Variants in CHMP3 observed in about 807,000 individuals in gnomAD.
CHMP3 encodes the protein 25.1 protein.
CHMP3 carries 8 observed loss-of-function variants against 27.4 expected under a neutral mutation model. The observed-to-expected ratio is 0.29, with a 90% CI of 0.17 to 0.53. The LOEUF (loss-of-function observed/expected upper bound fraction) is 0.53, where lower values mean the gene tolerates loss of function less well. Ranked by LOEUF, CHMP3 falls within the 20% of genes least tolerant of loss-of-function variation. CHMP3 has a pLI of 0.96. For synonymous variants in CHMP3, 86 were observed against 85.5 expected, an observed-to-expected ratio of 1.01 and a Z score of -0.03; for missense variants, 208 against 271.5, an observed-to-expected ratio of 0.77 and a Z score of 1.64.
chr2:86,537,866 C>G (rs1305694879), intron 2 of CHMP3, among the ~76,000 whole-genome samples: 1 of 152,038 alleles, frequency 6.6e-6, no homozygotes, highest in Non-Finnish European at 1.5e-5. Context: ...AAATGGTTCC[C>G]CCCAAAATTA....
intron 2 of CHMP3, among the ~76,000 whole-genome samples, chr2:86,541,791 T>C (rs1291593610): frequency 2.6e-5 from 4 of 152,310 alleles, no homozygotes; most frequent in South Asian, 2.1e-4. Context: ...GATACCTTTA[T>C]GATATTAACT....
At chr2:86,508,592 G>A (rs1363443583) in intron 4 of CHMP3, among the ~76,000 whole-genome samples, 1 of 152,146 alleles carries the variant, frequency 6.6e-6, no homozygotes, top group Non-Finnish European at 1.5e-5. Context: ...CCCTTGCTTT[G>A]TACCTTGATG....
chr2:86,563,230 T>C (rs1407042122), intron 1 of CHMP3, 74 bp downstream of exon 1: 2 of 1,543,516 alleles, frequency 1.3e-6, no homozygotes, highest in East Asian at 2.3e-5. Context: ...GGGAGAAGAG[T>C]GTCCTGTCAT....
intron 3 of CHMP3, chr2:86,512,264 A>T (rs1675134794): frequency 6.6e-6 from 1 of 152,204 alleles, no homozygotes; most frequent in African/African-American, 2.4e-5. Flanking sequence ...GGCCTACAGG[A>T]GGCAGTTCGT....
At chr2:86,547,469 A>G (rs1381780971) in intron 1 of CHMP3, among the ~76,000 whole-genome samples, 52 of 152,262 alleles carry the variant, frequency 3.4e-4, no homozygotes, top group Admixed American at 6.5e-5. Context: ...AGAAATCTGA[A>G]GAACCAAAAG....
chr2:86,525,572 ATGGGATTCCC>A (rs1289032752), intron 3 of CHMP3, among the ~76,000 whole-genome samples: 1 of 151,788 alleles, frequency 6.6e-6, no homozygotes, highest in Non-Finnish European at 1.5e-5. Context: ...CTTGCATCAG[ATGGGATTCCC>A]TCGGCAAGGA....
chr2:86,506,567 A>AT (rs1674896168), intron 5 of CHMP3, among the ~76,000 whole-genome samples: 1 of 151,630 alleles, frequency 6.6e-6, no homozygotes, highest in East Asian at 1.9e-4. Flanking sequence ...AATATATAGT[A>AT]TTCCATTAAA....
chr2:86,544,531 G>T (rs1471737402), intron 1 of CHMP3, among the ~76,000 whole-genome samples: 1 of 151,870 alleles, frequency 6.6e-6, no homozygotes, highest in East Asian at 1.9e-4. Flanking sequence ...TTGAGATTAG[G>T]GAGTGGTGAT....
chr2:86,507,099 A>C (rs1039056296), intron 5 of CHMP3: 1 of 156,042 alleles, frequency 6.4e-6, no homozygotes, highest in Non-Finnish European at 1.4e-5. Flanking sequence ...TCCTGGGCTC[A>C]AGCGATCCCC....
chr2:86,525,649 T>C (rs1227492115), intron 3 of CHMP3, among the ~76,000 whole-genome samples: 1 of 152,112 alleles, frequency 6.6e-6, no homozygotes, highest in East Asian at 1.9e-4. Flanking sequence ...ACAGTGAAAT[T>C]TGACACCAAA....
intron 2 of CHMP3, among the ~76,000 whole-genome samples, chr2:86,532,772 C>A (rs1209027090): frequency 6.6e-6 from 1 of 152,126 alleles, no homozygotes; most frequent in Non-Finnish European, 1.5e-5. Flanking sequence ...TTCTTGCATT[C>A]CAGGATAAAT....
At chr2:86,517,791 G>A (rs1009760734) in intron 3 of CHMP3, among the ~76,000 whole-genome samples, 1 of 152,100 alleles carries the variant, frequency 6.6e-6, no homozygotes, top group African/African-American at 2.4e-5. Flanking sequence ...CACTTTGAGA[G>A]ACCCAGGCAA....
intron 1 of CHMP3, 144 bp from the exon 2 acceptor site, chr2:86,542,456 T>C: frequency 2.7e-6 from 2 of 749,060 alleles, no homozygotes; most frequent in Non-Finnish European, 2.2e-6. Context: ...TAGGGTCAAA[T>C]TTTACTTTTT....
At chr2:86,520,736 GAACAA>G (rs1675489371) in intron 3 of CHMP3, among the ~76,000 whole-genome samples, 1 of 152,142 alleles carries the variant, frequency 6.6e-6, no homozygotes, top group African/African-American at 2.4e-5. Flanking sequence ...TCAAAGCACA[GAACAA>G]AACAAAACAA....
At chr2:86,542,787 C>T (rs1455248732) in intron 1 of CHMP3, 1 of 152,692 alleles carries the variant, frequency 6.5e-6, no homozygotes, top group Non-Finnish European at 1.5e-5. Flanking sequence ...TCTCTTATTA[C>T]CATGGTAGTT....
intron 1 of CHMP3, among the ~76,000 whole-genome samples, chr2:86,553,622 G>A (rs958758103): frequency 6.6e-6 from 1 of 152,074 alleles, no homozygotes; most frequent in African/African-American, 2.4e-5. Flanking sequence ...GAGCCACCGC[G>A]CCCGACCCCA....
intron 2 of CHMP3, among the ~76,000 whole-genome samples, chr2:86,531,424 T>C (rs940453070): frequency 6.6e-6 from 1 of 152,132 alleles, no homozygotes; most frequent in Non-Finnish European, 1.5e-5. Flanking sequence ...GCAGTGGCTA[T>C]TCACAGGCAT....
At chr2:86,506,076 T>G (rs767559232) in intron 5 of CHMP3, 127 bp from the exon 6 acceptor site, 270 of 1,160,592 alleles carry the variant, frequency 2.3e-4, no homozygotes, top group Non-Finnish European at 2.8e-4. Flanking sequence ...AAGCTGTTTT[T>G]GGGGGGGTTT....
At chr2:86,550,322 G>A (rs1488320116) in intron 1 of CHMP3, among the ~76,000 whole-genome samples, 1 of 152,202 alleles carries the variant, frequency 6.6e-6, no homozygotes, top group African/African-American at 2.4e-5. Flanking sequence ...GCTGCAGCGA[G>A]CCGAGACCAC....
Sources: allele counts gnomAD v4.1 joint callset (sites outside exome capture counted in the v4.1 genomes callset), GRCh38; gene constraint gnomAD v4.1.1; transcripts MANE v1.5; gene names NCBI Gene and HGNC (gene_info 2026-07-23, HGNC 2026-07-21).